HERC4: variants seen among roughly 807,000 people sequenced by gnomAD.
HERC4 encodes probable E3 ubiquitin-protein ligase HERC4.
A neutral mutation model predicts 124.3 loss-of-function variants in HERC4; 28 were observed. The observed-to-expected ratio is 0.23, with a 90% confidence interval of 0.17 to 0.31. The LOEUF (loss-of-function observed/expected upper bound fraction) is 0.31, where lower values mean the gene tolerates loss of function less well. Among genes scored for constraint, HERC4 ranks in the 10% least tolerant of loss-of-function variants. The pLI is 1.00. For missense variants in HERC4, 713 were observed against 1,229.3 expected (o/e 0.58, Z 6.28); for synonymous variants, 407 against 421.5 (o/e 0.97, Z 0.42).
At chr10:67,983,574 T>C (rs2036067191) in intron 15 of HERC4, among the ~76,000 whole-genome samples, 1 of 151,800 alleles carries the variant, frequency 6.6e-6, no homozygotes, top group South Asian at 2.1e-4. Context: ...GGTCAGGAGA[T>C]AGAGACCATC....
intron 16 of HERC4, among the ~76,000 whole-genome samples, chr10:67,958,650 T>A (rs2034297980): frequency 6.6e-6 from 1 of 152,196 alleles, no homozygotes; most frequent in Admixed American, 6.5e-5. Flanking sequence ...ATATTAGAAG[T>A]GAGAAAGATA....
intron 3 of HERC4, among the ~76,000 whole-genome samples, chr10:68,072,507 C>A (rs2041622926): frequency 6.6e-6 from 1 of 152,114 alleles, no homozygotes; most frequent in Non-Finnish European, 1.5e-5. Context: ...TTCCTCCCCC[C>A]TCCCAAAGTA....
intron 23 of HERC4, among the ~76,000 whole-genome samples, chr10:67,926,431 A>C (rs2030971726): frequency 6.6e-6 from 1 of 151,540 alleles, no homozygotes; most frequent in Non-Finnish European, 1.5e-5. Flanking sequence ...AAAAAAAAAA[A>C]CAAAAAAATT....
intron 16 of HERC4, among the ~76,000 whole-genome samples, chr10:67,964,091 A>ATTTT (rs11327388): frequency 2.5e-4 from 32 of 129,232 alleles, no homozygotes; most frequent in Non-Finnish European, 3.7e-4. Flanking sequence ...CTACCACTCC[A>ATTTT]TTTTTTTTTT....
intron 4 of HERC4, chr10:68,039,307 C>T: frequency 7.5e-7 from 1 of 1,338,482 alleles, no homozygotes; most frequent in Non-Finnish European, 9.8e-7. Context: ...TAGAGTAAGA[C>T]CCTGTCTCAA....
chr10:68,062,421 T>C lies in HERC4; in HGVS notation c.226+10462A>G, dbSNP rs111887479. On this transcript the variant is annotated intron_variant, in intron 3 of 24. Coordinates refer to ENST00000373700, the MANE Select transcript of HERC4 (RefSeq NM_015601.4). ...AAAGCCTGTCCATTCTTTCTGCCTC[T>C]CTAAGTCTCCATCATCTACCTGCTC... Among the ~76,000 whole-genome samples, 3 of 151,940 alleles carry C rather than the reference T, an allele frequency of 2.0e-5. 1 individual carries two copies. Among genetic ancestry groups the C allele is most frequent in the African/African-American group, 7.2e-5 (3 of 41,474 alleles).
intron 9 of HERC4, among the ~76,000 whole-genome samples, chr10:68,004,328 A>G (rs2007505): frequency 0.076 from 11,561 of 152,000 alleles, 636 homozygotes; most frequent in Middle Eastern, 0.13. Flanking sequence ...GTTTGCAAAT[A>G]TTTTCTCCCA....
intron 15 of HERC4, among the ~76,000 whole-genome samples, chr10:67,968,508 G>C (rs907872647): frequency 6.6e-6 from 1 of 151,686 alleles, no homozygotes; most frequent in South Asian, 2.1e-4. Context: ...GAGTAGCTGG[G>C]ACTACAGGCG....
intron 3 of HERC4, among the ~76,000 whole-genome samples, chr10:68,059,484 TATATTATAAC>T (rs2040737524): frequency 3.1e-5 from 4 of 128,756 alleles, no homozygotes; most frequent in African/African-American, 1.2e-4. Context: ...TATAATATTA[TATATTATAAC>T]ATTATATATT....
intron 1 of HERC4, chr10:68,074,004 T>C (rs1286498913): frequency 1.3e-5 from 2 of 152,222 alleles, no homozygotes. Flanking sequence ...GGGCAATCTA[T>C]ATCTATCTAT....
chr10:67,966,880 A>T, intron 15 of HERC4, 78 bp from the exon 16 acceptor site: 1 of 1,103,196 alleles, frequency 9.1e-7, no homozygotes, highest in East Asian at 3.0e-5. Context: ...TTTGAGACGG[A>T]GTCTCACTCT....
intron 5 of HERC4, among the ~76,000 whole-genome samples, chr10:68,036,242 C>T (rs2039459902): frequency 1.3e-5 from 2 of 151,148 alleles, no homozygotes; most frequent in Admixed American, 1.3e-4. Context: ...GGCGTGAACC[C>T]AGGAGGCGGA....
chr10:68,071,033 A>C (rs796974332), intron 3 of HERC4, among the ~76,000 whole-genome samples: 42 of 152,216 alleles, frequency 2.8e-4, no homozygotes, highest in African/African-American at 9.6e-4. Context: ...CCAGACTCTA[A>C]ATTTCTCAAG....
chr10:68,011,141 T>TA (rs2037929304), intron 9 of HERC4, among the ~76,000 whole-genome samples: 1 of 152,180 alleles, frequency 6.6e-6, no homozygotes, highest in Non-Finnish European at 1.5e-5. Flanking sequence ...TAGCTCACTG[T>TA]AAACCTTCAA....
intron 15 of HERC4, among the ~76,000 whole-genome samples, chr10:67,974,169 T>C (rs1414588819): frequency 1.4e-5 from 2 of 146,600 alleles, no homozygotes; most frequent in Non-Finnish European, 3.0e-5. Flanking sequence ...TTGAAAGTAA[T>C]GGCAGGACTG....
chr10:67,949,463 G>A (rs565093879), intron 19 of HERC4, among the ~76,000 whole-genome samples: 110 of 152,050 alleles, frequency 7.2e-4, no homozygotes, highest in Non-Finnish European at 1.3e-3. Context: ...TACCAGAAAA[G>A]GACCTTGCAC....
intron 8 of HERC4, among the ~76,000 whole-genome samples, chr10:68,025,307 TATA>T (rs751491290): frequency 1.3e-4 from 20 of 152,122 alleles, no homozygotes; most frequent in Non-Finnish European, 2.8e-4. Context: ...CTACAATAAA[TATA>T]ATATTACATA....
chr10:67,970,505 T>C (rs971541681), intron 15 of HERC4, among the ~76,000 whole-genome samples: 3 of 152,122 alleles, frequency 2.0e-5, no homozygotes, highest in Admixed American at 6.5e-5. Flanking sequence ...AGCACGAGAA[T>C]TGCTTGAACC....
chr10:67,937,681 C>CTTT (rs538781630), intron 21 of HERC4, among the ~76,000 whole-genome samples: 2 of 136,490 alleles, frequency 1.5e-5, no homozygotes, highest in Admixed American at 7.4e-5. Context: ...TGGAGAGCAA[C>CTTT]TTTTTTTTTT....
Sources: allele counts gnomAD v4.1 joint callset (sites outside exome capture counted in the v4.1 genomes callset), GRCh38; gene constraint gnomAD v4.1.1; transcripts MANE v1.5; gene names NCBI Gene and HGNC (gene_info 2026-07-23, HGNC 2026-07-21).